UNC13C: variants seen among roughly 807,000 people sequenced by gnomAD.
The protein encoded by UNC13C is protein unc-13 homolog C.
In UNC13C, 174 loss-of-function variants were observed where a neutral mutation model predicts 245.4. That is an observed-to-expected ratio of 0.71 (90% CI 0.63 to 0.80). The LOEUF (loss-of-function observed/expected upper bound fraction) is 0.80. Ranked by LOEUF, UNC13C falls within the 30% of genes least tolerant of loss-of-function variation. The probability of loss-of-function intolerance (pLI) is 0.00; values close to 1 mark genes in which losing one functional copy is unlikely to be tolerated. For missense variants in UNC13C, 2,829 were observed against 2,602.9 expected (o/e 1.09, Z -1.89); for synonymous variants, 992 against 895.1 (o/e 1.11, Z -1.93).
At chr15:54,365,754 GA>G (rs1045832159) in intron 17 of UNC13C, among the ~76,000 whole-genome samples, 2 of 136,866 alleles carry the variant, frequency 1.5e-5, no homozygotes, top group African/African-American at 2.7e-5. Context: ...CGCTCAAAAA[GA>G]AAAAAAGAAA....
chr15:53,989,720 C>T (rs1232816018), intron 1 of UNC13C, among the ~76,000 whole-genome samples: 1 of 152,008 alleles, frequency 6.6e-6, no homozygotes, highest in Non-Finnish European at 1.5e-5. Context: ...CAGTACTCAT[C>T]TTGATTTACC....
At chr15:54,011,451 A>G (rs1342502966) in intron 1 of UNC13C, among the ~76,000 whole-genome samples, 3 of 152,230 alleles carry the variant, frequency 2.0e-5, no homozygotes, top group Non-Finnish European at 2.9e-5. Flanking sequence ...TGATGGGTAG[A>G]AAATTTTATT....
chr15:54,001,454 A>G (rs751885760), intron 1 of UNC13C, among the ~76,000 whole-genome samples: 1 of 152,174 alleles, frequency 6.6e-6, no homozygotes, highest in African/African-American at 2.4e-5. Context: ...TGTGAAATTT[A>G]CTATACCTTA....
chr15:53,902,969 G>T, the UNC13C span, among the ~76,000 whole-genome samples: 1 of 152,216 alleles, frequency 6.6e-6, no homozygotes, highest in Non-Finnish European at 1.5e-5. Context: ...GGGCTGGAAT[G>T]CTGGGACATA....
At chr15:54,121,173 A>C (rs572969211) in intron 2 of UNC13C, among the ~76,000 whole-genome samples, 122 of 152,264 alleles carry the variant, frequency 8.0e-4, no homozygotes, top group African/African-American at 2.9e-3. Flanking sequence ...GAGTCAATGA[A>C]TGTGCCAAGC....
chr15:54,360,596 A>G (rs528663846), intron 17 of UNC13C, among the ~76,000 whole-genome samples: 2 of 152,184 alleles, frequency 1.3e-5, no homozygotes, highest in Non-Finnish European at 2.9e-5. Flanking sequence ...TTTATCTGAT[A>G]TAAGCAAAGC....
At chr15:54,028,101 C>A (rs1896193599) in intron 2 of UNC13C, among the ~76,000 whole-genome samples, 2 of 152,144 alleles carry the variant, frequency 1.3e-5, no homozygotes, top group African/African-American at 4.8e-5. Context: ...GGTTTAAGTA[C>A]CAGTAGTGGT....
chr15:54,001,072 A>G (rs12912451), intron 1 of UNC13C, among the ~76,000 whole-genome samples: 86,576 of 151,952 alleles, frequency 0.57, 26,889 homozygotes, highest in Middle Eastern at 0.74. Flanking sequence ...CTTCCACCCT[A>G]CTAACATTTA....
chr15:54,190,778 G>A lies in UNC13C; in HGVS notation c.3072-44252G>A, dbSNP rs143776813. On this transcript the variant is annotated intron_variant, in intron 4 of 32. Coordinates refer to ENST00000260323, the MANE Select transcript of UNC13C (RefSeq NM_001080534.3). ...TAATAGATAAACTTTGCTTTTAAACGTAACATTTTATTGTTTGAACCATTT... is the reference window on the plus strand; with the variant it reads ...TAATAGATAAACTTTGCTTTTAAACATAACATTTTATTGTTTGAACCATTT... 1.5e-3 allele frequency among the ~76,000 whole-genome samples: 225 copies of A among 151,914 alleles called. 1 individual carries two copies. The highest frequency in any genetic ancestry group is 4.0e-3 in the African/African-American group (164 of 41,508).
chr15:53,965,937 G>A, the UNC13C span, among the ~76,000 whole-genome samples: 3 of 152,118 alleles, frequency 2.0e-5, no homozygotes, highest in East Asian at 1.9e-4. Context: ...TGGTGTATAT[G>A]TGCCACATTT....
intron 20 of UNC13C, among the ~76,000 whole-genome samples, chr15:54,499,189 A>C (rs1894088706): frequency 6.6e-6 from 1 of 152,080 alleles, no homozygotes; most frequent in African/African-American, 2.4e-5. Context: ...GGCATCTCAC[A>C]TGGGGGGAGC....
intron 30 of UNC13C, among the ~76,000 whole-genome samples, chr15:54,601,500 A>G (rs1009675724): frequency 6.6e-6 from 1 of 152,208 alleles, no homozygotes; most frequent in African/African-American, 2.4e-5. Context: ...AGAAGAAAAG[A>G]CAGACACAAA....
intron 8 of UNC13C, among the ~76,000 whole-genome samples, chr15:54,254,460 C>G (rs2036228897): frequency 6.6e-6 from 1 of 152,192 alleles, no homozygotes; most frequent in Non-Finnish European, 1.5e-5. Context: ...CTTTTATCCA[C>G]TGCTACTTAA....
At chr15:54,364,399 A>G (rs1440745612) in intron 17 of UNC13C, among the ~76,000 whole-genome samples, 1 of 152,172 alleles carries the variant, frequency 6.6e-6, no homozygotes, top group Admixed American at 6.5e-5. Flanking sequence ...TGAGAGGGAA[A>G]AGTTAGCCAC....
At chr15:54,567,120 C>T (rs1473453825) in intron 29 of UNC13C, among the ~76,000 whole-genome samples, 1 of 152,068 alleles carries the variant, frequency 6.6e-6, no homozygotes, top group East Asian at 1.9e-4. Context: ...GCTAACATCC[C>T]TCAGTGACCA....
At chr15:54,611,298 A>C (rs1164806531) in intron 30 of UNC13C, among the ~76,000 whole-genome samples, 1 of 152,188 alleles carries the variant, frequency 6.6e-6, no homozygotes, top group East Asian at 1.9e-4. Flanking sequence ...TAAAATTTCC[A>C]CTCAAATCAG....
chr15:53,975,296 T>C (rs550123849), upstream of UNC13C, among the ~76,000 whole-genome samples: 3 of 152,354 alleles, frequency 2.0e-5, no homozygotes, highest in African/African-American at 7.2e-5. Context: ...CGTTCTCCTA[T>C]ACATTATTTA....
intron 19 of UNC13C, among the ~76,000 whole-genome samples, chr15:54,488,413 C>A (rs1164656923): frequency 6.6e-6 from 1 of 152,102 alleles, no homozygotes; most frequent in Non-Finnish European, 1.5e-5. Context: ...TTAAAATAGT[C>A]TTAATGAAAT....
chr15:54,034,596 A>G (rs1264765514), intron 2 of UNC13C, among the ~76,000 whole-genome samples: 1 of 152,218 alleles, frequency 6.6e-6, no homozygotes, highest in Admixed American at 6.5e-5. Context: ...AATGTTTAAG[A>G]ATACAATGAT....
Sources: allele counts gnomAD v4.1 joint callset (sites outside exome capture counted in the v4.1 genomes callset), GRCh38; gene constraint gnomAD v4.1.1; transcripts MANE v1.5; gene names NCBI Gene and HGNC (gene_info 2026-07-23, HGNC 2026-07-21).